The following PCOLCE2 variants were observed in gnomAD, a reference collection of about 807,000 sequenced individuals.
The protein encoded by PCOLCE2 is procollagen C-proteinase enhancer 2.
In PCOLCE2, 42 loss-of-function variants were observed where a neutral mutation model predicts 47.0. The observed-to-expected ratio is 0.89, with a 90% CI of 0.70 to 1.16. PCOLCE2 has a LOEUF of 1.16. PCOLCE2 is among the 50% of genes most tolerant of loss of function. The probability of loss-of-function intolerance (pLI) is 0.00; values close to 1 mark genes in which losing one functional copy is unlikely to be tolerated. For missense variants in PCOLCE2, 500 were observed against 526.1 expected (o/e 0.95, Z 0.49); for synonymous variants, 169 against 191.7 (o/e 0.88, Z 0.98).
At chr3:142,888,544 A>G in intron 1 of PCOLCE2, 1 of 381,388 alleles carries the variant, frequency 2.6e-6, no homozygotes, top group Non-Finnish European at 4.7e-6. Context: ...AGTCAGATTA[A>G]GCCCCGCCAC....
rs16834067 is a variant in PCOLCE2, at chr3:142,827,179, C to G, written c.865+2513G>C. The stretch of plus-strand genomic sequence containing the variant: ...GCAATGAGACCCATTTTGCAGCCAG[C>G]AGGGTCATCTCTGAGATGGCGGAGG... On this transcript the variant is annotated intron_variant, in intron 6 of 8. Transcript: ENST00000295992. 7.5e-3 allele frequency: 10,202 copies of G among 1,359,550 alleles called. 626 individuals carry two copies. The African/African-American group carries it at 0.13, about 17-fold the overall frequency. The allele number at this position is 1,359,550 out of a possible 1,614,324, so 84.2% of individuals were successfully genotyped here.
rs528411621 is a variant in PCOLCE2 at position 142,831,243 on chromosome 3, T to C, written c.711-1397A>G. On this transcript the variant is annotated intron_variant, in intron 5 of 8. Transcript: ENST00000295992. ...ATGGATTCATCCATTCACAGATTAA[T>C]GGATAAGTGGGTTAATGGATTAATG... Among the ~76,000 whole-genome samples the C allele has an allele frequency of 8.5e-5, 13 of 152,294 alleles. No homozygotes were observed. The South Asian group carries it at 2.7e-3, about 32-fold the overall frequency.
In PCOLCE2 at chr3:142,879,751, C is replaced by T. The variant is rs547416103; in HGVS notation, c.192+7918G>A. ...TTGGGAGGCCGAGGAGGGCGGATCACGAGGTCAGGAGATCGAGACCATCCT... is the reference window on the plus strand; with the variant it reads ...TTGGGAGGCCGAGGAGGGCGGATCATGAGGTCAGGAGATCGAGACCATCCT... On this transcript the variant is annotated intron_variant, in intron 2 of 8. Transcript: ENST00000295992. Among the ~76,000 whole-genome samples the T allele has an allele frequency of 3.2e-3, 492 of 152,196 alleles. 2 individuals are homozygous for T. The highest frequency in any genetic ancestry group is 5.0e-3 in the Admixed American group (76 of 15,284).
chr3:142,829,837 C>G lies in PCOLCE2; in HGVS notation c.720G>C (p.Val240=). ...GAATAAGAAGTTCATTTCTCTCAGACACAATTGGCCTAAAAAAAGAAAAAT... is the reference window on the plus strand; with the variant it reads ...GAATAAGAAGTTCATTTCTCTCAGAGACAATTGGCCTAAAAAAAGAAAAAT... ...YCGDSPPAPI[V]SERNELLIQF... is the part of the protein sequence containing the mutation. Residue 240 remains valine (V), a synonymous_variant, in exon 6 of 9, where the codon GTG becomes GTC. Transcript: ENST00000295992. 2 of 1,565,306 alleles carry G rather than the reference C, an allele frequency of 1.3e-6. No homozygotes were observed. Among genetic ancestry groups the G allele is most frequent in the African/African-American group, 2.7e-5 (2 of 73,380 alleles).
At chr3:142,863,234 A>G (rs1933215560) in intron 2 of PCOLCE2, among the ~76,000 whole-genome samples, 1 of 152,186 alleles carries the variant, frequency 6.6e-6, no homozygotes, top group South Asian at 2.1e-4. Flanking sequence ...AACAAAAAAC[A>G]TTGAAGATAG....
intron 2 of PCOLCE2, among the ~76,000 whole-genome samples, chr3:142,885,195 G>A (rs1933696560): frequency 6.6e-6 from 1 of 152,182 alleles, no homozygotes; most frequent in Non-Finnish European, 1.5e-5. Context: ...GCATTGATAT[G>A]ATAGAGTTTA....
At chr3:142,855,019 G>T (rs187042572) in intron 2 of PCOLCE2, among the ~76,000 whole-genome samples, 3 of 152,286 alleles carry the variant, frequency 2.0e-5, no homozygotes, top group East Asian at 1.9e-4. Context: ...CCTCCGAGCT[G>T]GTTCCCACCT....
At chr3:142,875,918 G>A (rs1009639414) in intron 2 of PCOLCE2, among the ~76,000 whole-genome samples, 4 of 152,180 alleles carry the variant, frequency 2.6e-5, no homozygotes, top group Admixed American at 6.5e-5. Context: ...CTTAATCCAT[G>A]AGCAAGGCCT....
chr3:142,880,311 A>G (rs1217018281), intron 2 of PCOLCE2, among the ~76,000 whole-genome samples: 1 of 151,926 alleles, frequency 6.6e-6, no homozygotes, highest in Non-Finnish European at 1.5e-5. Context: ...CGTGCAGTTT[A>G]AAGCCAAGAA....
At chr3:142,855,721 A>T (rs1045982124) in intron 2 of PCOLCE2, among the ~76,000 whole-genome samples, 2 of 152,222 alleles carry the variant, frequency 1.3e-5, no homozygotes, top group Admixed American at 1.3e-4. Context: ...AGGCCTAGCC[A>T]TAAGACACCC....
chr3:142,855,014 G>C (rs1014380577), intron 2 of PCOLCE2, among the ~76,000 whole-genome samples: 1 of 152,142 alleles, frequency 6.6e-6, no homozygotes, highest in South Asian at 2.1e-4. Context: ...GGAGCCCTCC[G>C]AGCTGGTTCC....
At position 142,848,079 on chromosome 3, in the gene PCOLCE2, T is replaced by C. The variant is rs1028872747; in HGVS notation, c.448+138A>G. 1.0e-5 allele frequency: 8 copies of C among 762,972 alleles called. No individual in the cohort carries two copies. In the African/African-American group the frequency reaches 1.2e-4, roughly 12 times the overall value. 47.3% of individuals were successfully genotyped at this position (762,972 alleles called of 1,614,324 possible). A position where few individuals can be genotyped will look rare whatever the true frequency, so the allele number is the denominator to read the frequency against. On this transcript the variant is annotated intron_variant, in intron 3 of 8. Coordinates refer to ENST00000295992, the MANE Select transcript of PCOLCE2 (RefSeq NM_013363.4). ...TAAATTAAAAGGCTGATTTTTTGTA[T>C]TGGTCTCATCATGGTTTGATGGCAT... is the stretch of plus-strand genomic sequence containing the variant.
intron 5 of PCOLCE2, among the ~76,000 whole-genome samples, chr3:142,836,323 G>C (rs1387926399): frequency 6.6e-6 from 1 of 152,126 alleles, no homozygotes; most frequent in Non-Finnish European, 1.5e-5. Context: ...TATACATGCT[G>C]TGGTCTTTGC....
At chr3:142,835,137 T>TCCC (rs1163283837) in intron 5 of PCOLCE2, among the ~76,000 whole-genome samples, 2 of 152,222 alleles carry the variant, frequency 1.3e-5, no homozygotes, top group Non-Finnish European at 2.9e-5. Flanking sequence ...CATCTTTCTC[T>TCCC]CATTAACAGT....
At chr3:142,859,402 T>C (rs1421927663) in intron 2 of PCOLCE2, among the ~76,000 whole-genome samples, 1 of 151,822 alleles carries the variant, frequency 6.6e-6, no homozygotes, top group Non-Finnish European at 1.5e-5. Context: ...TATATATATA[T>C]TTTCAAAAAC....
At chr3:142,818,555 C>G in intron 8 of PCOLCE2, 90 bp from the exon 9 acceptor site, 1 of 986,646 alleles carries the variant, frequency 1.0e-6, no homozygotes, top group Non-Finnish European at 1.6e-6. Context: ...GATAAATGTT[C>G]TCTTCTGCAA....
Position 142,842,575 on chromosome 3 carries a change from T to TA in PCOLCE2, c.573+348dup, listed in dbSNP as rs1233174388. On this transcript the variant is annotated intron_variant, in intron 4 of 8. Transcript: ENST00000295992. The surrounding 1 kb of genome is among the most constrained non-coding windows in gnomAD (Gnocchi z 4.1). ...CAACATGGAGAAACTCTGTCTCTAC[T>TA]AAAAAAATACAAAATTAGCCGGGCG... Among the ~76,000 whole-genome samples, 2 of 151,740 alleles carry TA rather than the reference T, an allele frequency of 1.3e-5. No individual in the cohort carries two copies. The highest frequency in any genetic ancestry group is 3.9e-4 in the East Asian group (2 of 5,168).
chr3:142,882,711 C>T (rs953543235), intron 2 of PCOLCE2, among the ~76,000 whole-genome samples: 3 of 152,090 alleles, frequency 2.0e-5, no homozygotes, highest in Non-Finnish European at 4.4e-5. Context: ...TTCCAAAGTG[C>T]TGGGATTACA....
chr3:142,857,319 A>G (rs1018101831), intron 2 of PCOLCE2, among the ~76,000 whole-genome samples: 1 of 152,176 alleles, frequency 6.6e-6, no homozygotes, highest in African/African-American at 2.4e-5. Flanking sequence ...CTGTCCTTGA[A>G]AGCTGTTAGT....
Sources: gnomAD v4.1 joint callset for allele counts (sites outside exome capture counted in the v4.1 genomes callset) on GRCh38, gnomAD v4.1.1 for gene constraint, Gnocchi (gnomAD v3.1) non-coding constraint, MANE v1.5 for transcripts, NCBI Gene and HGNC (gene_info 2026-07-23, HGNC 2026-07-21) for gene names.